Variants in SGCZ observed in about 807,000 individuals in gnomAD.
SGCZ encodes the protein zeta-sarcoglycan.
A neutral mutation model predicts 41.3 loss-of-function variants in SGCZ; 40 were observed. The ratio of observed to expected loss-of-function variants is 0.97; its 90% confidence interval spans 0.75 to 1.26. The LOEUF is 1.26. Among genes scored for constraint, SGCZ ranks in the 50% most tolerant of loss-of-function variants. SGCZ has a pLI of 0.00. For missense variants in SGCZ, 552 were observed against 369.8 expected (o/e 1.49, Z -4.04); for synonymous variants, 206 against 137.5 (o/e 1.50, Z -3.49).
At chr8:14,970,146 T>G (rs1801243588) in intron 1 of SGCZ, among the ~76,000 whole-genome samples, 1 of 152,158 alleles carries the variant, frequency 6.6e-6, no homozygotes, top group South Asian at 2.1e-4. Flanking sequence ...CTAATGATGT[T>G]GAGCATCTTT....
At chr8:15,077,622 C>A (rs577738548) in intron 1 of SGCZ, among the ~76,000 whole-genome samples, 2 of 152,162 alleles carry the variant, frequency 1.3e-5, no homozygotes, top group East Asian at 3.9e-4. Flanking sequence ...TAGGAATAGC[C>A]CCAAATTTCA....
At chr8:14,428,177 T>A (rs1310696848) in intron 2 of SGCZ, among the ~76,000 whole-genome samples, 1 of 151,644 alleles carries the variant, frequency 6.6e-6, no homozygotes, top group African/African-American at 2.4e-5. Context: ...CACACATGCA[T>A]ATATATTTAT....
Position 14,799,752 on chromosome 8 carries a change from C to G in SGCZ, c.40-244826G>C, listed in dbSNP as rs150403890. Among the ~76,000 whole-genome samples, 6 of 152,068 alleles carry G rather than the reference C, an allele frequency of 3.9e-5. No individual in the cohort carries two copies. The East Asian group carries it at 1.2e-3, about 29-fold the overall frequency. ...AGCTGAATCTACTCCTTTGAAGCAACCTTCTCTAAAACCTCATGCCCCTTT... is the reference window on the plus strand; with the variant it reads ...AGCTGAATCTACTCCTTTGAAGCAAGCTTCTCTAAAACCTCATGCCCCTTT... On this transcript the variant is annotated intron_variant, in intron 1 of 7. Transcript: ENST00000382080.
chr8:14,126,556 C>A (rs528403488), intron 5 of SGCZ, among the ~76,000 whole-genome samples: 32 of 152,294 alleles, frequency 2.1e-4, no homozygotes, highest in African/African-American at 7.5e-4. Context: ...ATTAGTGTAA[C>A]AATTGTGGCA....
At chr8:14,188,143 G>T (rs1447882380) in intron 4 of SGCZ, among the ~76,000 whole-genome samples, 1 of 152,178 alleles carries the variant, frequency 6.6e-6, no homozygotes, top group Non-Finnish European at 1.5e-5. Flanking sequence ...TAAAGATTGA[G>T]CAAATGTGTT....
intron 1 of SGCZ, among the ~76,000 whole-genome samples, chr8:14,751,516 A>G (rs974633991): frequency 1.3e-5 from 2 of 152,232 alleles, no homozygotes; most frequent in African/African-American, 4.8e-5. Flanking sequence ...TTTAATGGAT[A>G]TAATATATAC....
chr8:14,521,421 T>C (rs1384908201), intron 2 of SGCZ, among the ~76,000 whole-genome samples: 1 of 152,122 alleles, frequency 6.6e-6, no homozygotes, highest in Admixed American at 6.6e-5. Flanking sequence ...CACAAACCTA[T>C]GTTTACCTAT....
intron 1 of SGCZ, among the ~76,000 whole-genome samples, chr8:14,675,020 G>T (rs1318844218): frequency 7.7e-6 from 1 of 129,100 alleles, no homozygotes; most frequent in Non-Finnish European, 1.6e-5. Flanking sequence ...CTCACTGCAA[G>T]CTCTGCCTCC....
At chr8:14,385,835 G>A (rs28688159) in intron 2 of SGCZ, among the ~76,000 whole-genome samples, 9,691 of 152,040 alleles carry the variant, frequency 0.064, 502 homozygotes, top group African/African-American at 0.13. Flanking sequence ...TATCTGACAG[G>A]GATTGGTTCT....
At chr8:14,822,293 T>C (rs996681709) in intron 1 of SGCZ, among the ~76,000 whole-genome samples, 3 of 152,106 alleles carry the variant, frequency 2.0e-5, no homozygotes, top group South Asian at 4.1e-4. Context: ...AGGTGAAAGA[T>C]GTGTACATTG....
rs936382021 is a variant in SGCZ at position 14,089,214 on chromosome 8, T to C, written c.*1229A>G. 5.3e-5 allele frequency among the ~76,000 whole-genome samples: 8 copies of C among 151,968 alleles called. No homozygotes were observed. Among genetic ancestry groups the C allele is most frequent in the African/African-American group, 1.9e-4 (8 of 41,426 alleles). ...AGGTCAGGGTAGCCTAACAACGATC[T>C]AATAAAAGTAAATATATGTTAACAG... On this transcript the variant is annotated 3_prime_UTR_variant, in exon 8 of 8. Transcript: ENST00000382080.
At chr8:14,531,501 A>C (rs2117126286) in intron 2 of SGCZ, among the ~76,000 whole-genome samples, 1 of 152,072 alleles carries the variant, frequency 6.6e-6, no homozygotes, top group African/African-American at 2.4e-5. Flanking sequence ...TGCTCACCAA[A>C]CTGCAAGGGT....
At chr8:15,050,882 T>C (rs1804487216) in intron 1 of SGCZ, among the ~76,000 whole-genome samples, 2 of 152,184 alleles carry the variant, frequency 1.3e-5, no homozygotes, top group Admixed American at 6.6e-5. Context: ...TGAATGTTTA[T>C]TGGAATTCTG....
intron 2 of SGCZ, among the ~76,000 whole-genome samples, chr8:14,418,128 T>A (rs1799546106): frequency 6.6e-6 from 1 of 151,972 alleles, no homozygotes; most frequent in African/African-American, 2.4e-5. Flanking sequence ...TCACTGGGCT[T>A]TCATTCTAGG....
intron 1 of SGCZ, among the ~76,000 whole-genome samples, chr8:14,772,649 A>G (rs1563259339): frequency 7.1e-6 from 1 of 140,060 alleles, no homozygotes; most frequent in Non-Finnish European, 1.5e-5. Context: ...TCACTGTTCA[A>G]TTCCCACCTA....
At chr8:14,164,728 A>G in intron 4 of SGCZ, 26 bp from the exon 5 acceptor site, 1 of 1,610,590 alleles carries the variant, frequency 6.2e-7, no homozygotes, top group Non-Finnish European at 8.5e-7. Context: ...AGGTTTAAAA[A>G]TGAAACTGGT....
intron 1 of SGCZ, among the ~76,000 whole-genome samples, chr8:14,866,362 T>C (rs1803930823): frequency 6.6e-6 from 1 of 152,120 alleles, no homozygotes; most frequent in South Asian, 2.1e-4. Context: ...TTATTCTGAG[T>C]ATTTCATTAT....
At chr8:14,384,539 A>T (rs962467766) in intron 2 of SGCZ, among the ~76,000 whole-genome samples, 1 of 152,144 alleles carries the variant, frequency 6.6e-6, no homozygotes, top group Non-Finnish European at 1.5e-5. Flanking sequence ...ATGTCTAATT[A>T]CTTGTATTAT....
chr8:14,391,329 A>G (rs2117217958), intron 2 of SGCZ, among the ~76,000 whole-genome samples: 1 of 152,294 alleles, frequency 6.6e-6, no homozygotes, highest in East Asian at 1.9e-4. Flanking sequence ...TACAATTATT[A>G]CACATATAAA....
Sources: allele counts gnomAD v4.1 joint callset (sites outside exome capture counted in the v4.1 genomes callset), GRCh38; gene constraint gnomAD v4.1.1; transcripts MANE v1.5; gene names NCBI Gene and HGNC (gene_info 2026-07-23, HGNC 2026-07-21).